The following TCF20 variants were observed in gnomAD, a reference collection of about 807,000 sequenced individuals.
TCF20 encodes the protein transcription factor 20.
A neutral mutation model predicts 148.6 loss-of-function variants in TCF20; 3 were observed. The ratio of observed to expected loss-of-function variants is 0.02; its 90% confidence interval spans 0.01 to 0.05. TCF20 has a LOEUF of 0.05. Among genes scored for constraint, TCF20 ranks in the 10% least tolerant of loss-of-function variants. The pLI, the probability that TCF20 is intolerant of heterozygous loss-of-function variation, is 1.00. For missense variants in TCF20, 2,350 were observed against 2,429.3 expected, an observed-to-expected ratio of 0.97 and a Z score of 0.69; for synonymous variants, 1,049 against 909.5, an observed-to-expected ratio of 1.15 and a Z score of -2.76.
chr22:42,293,992 T>A (rs5758700), intron 1 of TCF20, among the ~76,000 whole-genome samples: 13,469 of 152,224 alleles, frequency 0.088, 1,321 homozygotes, highest in East Asian at 0.34. Context: ...AAAGGGAGAC[T>A]CCGTCTCAAA....
chr22:42,228,252 C>A (rs1923086704), intron 1 of TCF20, among the ~76,000 whole-genome samples: 1 of 152,008 alleles, frequency 6.6e-6, no homozygotes, highest in African/African-American at 2.4e-5. Context: ...GGTAGTGACA[C>A]ACAGTCAAAA....
At chr22:42,295,659 C>T (rs1329476294) in intron 1 of TCF20, among the ~76,000 whole-genome samples, 1 of 152,048 alleles carries the variant, frequency 6.6e-6, no homozygotes, top group Non-Finnish European at 1.5e-5. Context: ...AGGCTAGTCT[C>T]GAACTCCTAA....
intron 2 of TCF20, among the ~76,000 whole-genome samples, chr22:42,199,907 A>C (rs1195047748): frequency 2.0e-5 from 3 of 149,462 alleles, no homozygotes. Flanking sequence ...ATTACATTTT[A>C]GGAATAATTA....
At chr22:42,163,401 T>C (rs772433706) in intron 5 of TCF20, among the ~76,000 whole-genome samples, 8 of 152,234 alleles carry the variant, frequency 5.3e-5, no homozygotes. Flanking sequence ...ACACACGATA[T>C]CCTGAATGTA....
At chr22:42,266,055 A>C (rs1260964001) in intron 1 of TCF20, among the ~76,000 whole-genome samples, 2 of 150,778 alleles carry the variant, frequency 1.3e-5, no homozygotes, top group Non-Finnish European at 3.0e-5. Context: ...CTAAATCTAG[A>C]TTTCAGGTTC....
intron 1 of TCF20, among the ~76,000 whole-genome samples, chr22:42,259,332 T>C (rs577998377): frequency 2.0e-5 from 3 of 152,292 alleles, no homozygotes; most frequent in African/African-American, 7.2e-5. Context: ...TAAGTCTCTA[T>C]TACTAGCAGG....
At chr22:42,222,040 A>C (rs745635671) in intron 1 of TCF20, among the ~76,000 whole-genome samples, 2 of 152,068 alleles carry the variant, frequency 1.3e-5, no homozygotes, top group Non-Finnish European at 2.9e-5. Flanking sequence ...GCCCGGCCCC[A>C]TATGGCAAAG....
In TCF20 at chr22:42,211,368, T is replaced by C. The variant is rs760841157; in HGVS notation, c.3938A>G (p.Lys1313Arg). The C allele has an allele frequency of 1.9e-6, 3 of 1,614,092 alleles. No homozygotes were observed. The African/African-American group carries it at 4.0e-5, about 22-fold the overall frequency. ...TGGAAGGTCCTTGGAGGAATCTCTC[T>C]TAGGGATAGACTTGATATCCTGACT... ...SHSQDIKSIP[K>R]RDSSKDLPSP... The change falls in exon 2 of 6, where the codon AAG (lysine) becomes AGG (arginine). Residue 1313 changes from lysine to arginine, a missense_variant. Physicochemically the swap from Lys to Arg is conservative, Grantham distance 26. Transcript: ENST00000677622.
chr22:42,198,404 C>G (rs1279802655), intron 2 of TCF20, among the ~76,000 whole-genome samples: 1 of 152,178 alleles, frequency 6.6e-6, no homozygotes, highest in Non-Finnish European at 1.5e-5. Context: ...ACAGTCATTC[C>G]TGGCATCCAT....
chr22:42,244,209 C>T (rs1408197597), intron 1 of TCF20, among the ~76,000 whole-genome samples: 2 of 152,074 alleles, frequency 1.3e-5, no homozygotes, highest in African/African-American at 2.4e-5. Context: ...AAATATTCAG[C>T]CACTGTGAAA....
intron 1 of TCF20, among the ~76,000 whole-genome samples, chr22:42,302,422 C>T (rs1601699253): frequency 6.6e-6 from 1 of 152,122 alleles, no homozygotes; most frequent in South Asian, 2.1e-4. Context: ...AGGTGAGAGG[C>T]ACGTTCCTCT....
chr22:42,295,600 C>T (rs1183205178), intron 1 of TCF20, among the ~76,000 whole-genome samples: 2 of 152,090 alleles, frequency 1.3e-5, no homozygotes, highest in African/African-American at 2.4e-5. Context: ...GGCACCACCA[C>T]GCCCGGCTAA....
At chr22:42,255,853 A>T (rs1271486890) in intron 1 of TCF20, among the ~76,000 whole-genome samples, 1 of 152,096 alleles carries the variant, frequency 6.6e-6, no homozygotes, top group Non-Finnish European at 1.5e-5. Context: ...TATGAGACTC[A>T]AGTGCCCCAG....
chr22:42,185,421 T>C (rs1393050576), intron 2 of TCF20, among the ~76,000 whole-genome samples: 1 of 152,226 alleles, frequency 6.6e-6, no homozygotes, highest in Non-Finnish European at 1.5e-5. Flanking sequence ...CTTGAGAGCC[T>C]GAAGACAACT....
At chr22:42,330,212 A>G (rs891687603) in intron 1 of TCF20, among the ~76,000 whole-genome samples, 16 of 152,146 alleles carry the variant, frequency 1.1e-4, no homozygotes, top group African/African-American at 2.2e-4. Context: ...TGTGGGTCTC[A>G]ATTTCCTCAT....
At chr22:42,312,892 G>A (rs890199114) in intron 1 of TCF20, among the ~76,000 whole-genome samples, 6 of 152,198 alleles carry the variant, frequency 3.9e-5, no homozygotes, top group African/African-American at 1.2e-4. Context: ...CAAGGCCCAC[G>A]TCTGCAGAGC....
intron 1 of TCF20, among the ~76,000 whole-genome samples, chr22:42,333,146 G>A (rs1928006532): frequency 6.6e-6 from 1 of 152,278 alleles, no homozygotes; most frequent in African/African-American, 2.4e-5. Context: ...AATGGCAGGA[G>A]CTGCCCCACT....
At chr22:42,175,531 G>C (rs1936398368) in intron 3 of TCF20, among the ~76,000 whole-genome samples, 1 of 152,028 alleles carries the variant, frequency 6.6e-6, no homozygotes, top group Non-Finnish European at 1.5e-5. Flanking sequence ...AGTAGTGACA[G>C]GGTTTCACCA....
At position 42,161,223 on chromosome 22, in the gene TCF20, T is replaced by G; in HGVS notation, c.*180A>C. The G allele has an allele frequency of 9.5e-6, 12 of 1,258,944 alleles. No individual in the cohort carries two copies. The highest frequency in any genetic ancestry group is 1.2e-5 in the Non-Finnish European group (11 of 895,998). 78.0% of individuals were successfully genotyped at this position (1,258,944 alleles called of 1,614,324 possible). A position where few individuals can be genotyped will look rare whatever the true frequency, so the allele number is the denominator to read the frequency against. ...TGGTGTCACTGGTTTGAGTGTGATG[T>G]GAGAACTTAAGGAAGTGCTGGCATG... On this transcript the variant is annotated 3_prime_UTR_variant, in exon 6 of 6. Transcript: ENST00000677622.
Sources: gnomAD v4.1 joint callset for allele counts (sites outside exome capture counted in the v4.1 genomes callset) on GRCh38, gnomAD v4.1.1 for gene constraint, MANE v1.5 for transcripts, NCBI Gene and HGNC (gene_info 2026-07-23, HGNC 2026-07-21) for gene names.